The following TG variants were observed in gnomAD, a reference collection of about 807,000 sequenced individuals.
The protein encoded by TG is thyroglobulin.
In TG, 270 loss-of-function variants were observed where a neutral mutation model predicts 324.7. That is an observed-to-expected ratio of 0.83 (90% CI 0.75 to 0.92). TG has a LOEUF of 0.92. TG is among the 40% of genes least tolerant of loss of function. The pLI is 0.00. For missense variants in TG, 3,591 were observed against 3,456.4 expected, an observed-to-expected ratio of 1.04 and a Z score of -0.98; for synonymous variants, 1,401 against 1,327.0, an observed-to-expected ratio of 1.06 and a Z score of -1.21.
intron 41 of TG, among the ~76,000 whole-genome samples, chr8:133,077,013 C>T (rs1844991713): frequency 6.6e-6 from 1 of 152,134 alleles, no homozygotes; most frequent in African/African-American, 2.4e-5. Flanking sequence ...CAAAGAAACT[C>T]AATGGGTTGA....
chr8:132,887,848 C>T, intron 9 of TG, 136 bp from the exon 10 acceptor site: 1 of 913,556 alleles, frequency 1.1e-6, no homozygotes, highest in South Asian at 1.5e-5. Flanking sequence ...ATATTATTTA[C>T]AAATTTAAGC....
chr8:132,952,413 C>T (rs1025403902), intron 27 of TG, among the ~76,000 whole-genome samples: 25 of 152,140 alleles, frequency 1.6e-4, no homozygotes, highest in Non-Finnish European at 7.4e-5. Context: ...TGGGCGCATT[C>T]GTTCACAGAT....
At chr8:133,082,971 G>A (rs763049784) in intron 41 of TG, among the ~76,000 whole-genome samples, 2 of 152,158 alleles carry the variant, frequency 1.3e-5, no homozygotes, top group Non-Finnish European at 2.9e-5. Context: ...ATCTGTCAGC[G>A]CCTGCTTCCA....
intron 39 of TG, 73 bp from the exon 40 acceptor site, chr8:133,021,918 C>G: frequency 6.3e-7 from 1 of 1,596,704 alleles, no homozygotes; most frequent in Non-Finnish European, 8.6e-7. Flanking sequence ...CTGTGTCAAC[C>G]AAGAATCAGG....
chr8:132,888,428 G>T lies in TG; in HGVS notation c.2621G>T (p.Gly874Val), dbSNP rs768482464. 3.7e-6 allele frequency: 6 copies of T among 1,613,074 alleles called. No individual in the cohort carries two copies. In the East Asian group the frequency reaches 8.9e-5, roughly 24 times the overall value. ...EPYLFWQILN[G>V]QLSQYPGSYS... is the part of the protein sequence containing the mutation. ...TACCTCTTCTGGCAGATCTTAAATGGCCAACTCAGCCAATACCCGGGGTCC... is the reference window on the plus strand; with the variant it reads ...TACCTCTTCTGGCAGATCTTAAATGTCCAACTCAGCCAATACCCGGGGTCC... The change falls in exon 10 of 48, where the codon GGC becomes GTC. Residue 874 changes from glycine to valine, a missense_variant. Physicochemically the swap from Gly to Val is moderately radical, Grantham distance 109 (BLOSUM62 -3). Transcript: ENST00000220616.
At chr8:133,014,142 G>A (rs1834812816) in intron 37 of TG, among the ~76,000 whole-genome samples, 1 of 152,196 alleles carries the variant, frequency 6.6e-6, no homozygotes, top group South Asian at 2.1e-4. Context: ...TCAGAAGGCT[G>A]TAGCCCAGAT....
chr8:132,969,694 C>CCT, intron 32 of TG, 125 bp downstream of exon 32: 2 of 739,430 alleles, frequency 2.7e-6, no homozygotes, highest in Non-Finnish European at 4.8e-6. Flanking sequence ...GGGCTGATCA[C>CCT]GAGGTCAAGA....
chr8:132,924,572 C>T (rs1226758780), intron 22 of TG, among the ~76,000 whole-genome samples: 4 of 152,204 alleles, frequency 2.6e-5, no homozygotes, highest in Non-Finnish European at 4.4e-5. Flanking sequence ...TACAGTTCCT[C>T]AGTGAGATAC....
intron 18 of TG, among the ~76,000 whole-genome samples, chr8:132,910,536 T>G (rs1372870847): frequency 6.6e-6 from 1 of 152,134 alleles, no homozygotes; most frequent in East Asian, 1.9e-4. Context: ...TAGGGAACTT[T>G]GTGTTAGGTC....
chr8:133,045,212 C>G, intron 41 of TG: 1 of 1,321,870 alleles, frequency 7.6e-7, no homozygotes. Context: ...GGAGACCTGC[C>G]CACCCTTGGG....
chr8:132,922,019 C>T (rs1587415888), intron 21 of TG, among the ~76,000 whole-genome samples: 1 of 152,126 alleles, frequency 6.6e-6, no homozygotes, highest in South Asian at 2.1e-4. Context: ...TATCATTCAT[C>T]CAAAATTTAT....
At chr8:133,106,411 T>A in intron 43 of TG, 2 of 985,294 alleles carry the variant, frequency 2.0e-6, no homozygotes, top group Non-Finnish European at 2.4e-6. Context: ...CTCTGGCAGG[T>A]CACATTTGCA....
At chr8:133,051,003 G>T (rs764995808) in intron 41 of TG, 132 of 740,588 alleles carry the variant, frequency 1.8e-4, no homozygotes, top group Non-Finnish European at 2.9e-4. Context: ...AGGGTATGAA[G>T]ATGAGATTTT....
intron 18 of TG, among the ~76,000 whole-genome samples, chr8:132,908,680 C>T (rs962002031): frequency 3.9e-5 from 6 of 152,090 alleles, no homozygotes; most frequent in Admixed American, 2.0e-4. Context: ...CAGCAGTTAA[C>T]GAGATCACCT....
At chr8:133,089,913 T>G (rs762949004) in intron 41 of TG, 28 of 152,320 alleles carry the variant, frequency 1.8e-4, no homozygotes, top group Admixed American at 5.9e-4. Context: ...TGCAGCTTCT[T>G]CTGGGCCACC....
chr8:132,948,247 T>TTGTGTG (rs60794915), intron 26 of TG, among the ~76,000 whole-genome samples: 119,293 of 150,954 alleles, frequency 0.79, 47,144 homozygotes, highest in Admixed American at 0.85. Flanking sequence ...AAGGTTGATC[T>TTGTGTG]TGTGTGTGTG....
At chr8:133,024,330 CTTTCT>C (rs1388558405) in intron 40 of TG, among the ~76,000 whole-genome samples, 12 of 102,434 alleles carry the variant, frequency 1.2e-4, no homozygotes, top group Admixed American at 2.9e-4. Flanking sequence ...TTCTTTCTTT[CTTTCT>C]TTCTTTCTTT....
At chr8:133,101,970 T>C (rs1849315286) in intron 43 of TG, among the ~76,000 whole-genome samples, 1 of 152,250 alleles carries the variant, frequency 6.6e-6, no homozygotes, top group South Asian at 2.1e-4. Flanking sequence ...ACCCAGAGTC[T>C]GAGCCTCAGT....
At chr8:133,022,222 TC>T (rs1835632987) in intron 40 of TG, 72 bp downstream of exon 40, 11 of 1,596,436 alleles carry the variant, frequency 6.9e-6, no homozygotes, top group Non-Finnish European at 8.6e-7. Context: ...CCAAGACCCA[TC>T]CCCTCACTGC....
Sources: gnomAD v4.1 joint callset for allele counts (sites outside exome capture counted in the v4.1 genomes callset) on GRCh38, gnomAD v4.1.1 for gene constraint, MANE v1.5 for transcripts, NCBI Gene and HGNC (gene_info 2026-07-23, HGNC 2026-07-21) for gene names.